HPS5: variants seen among roughly 807,000 people sequenced by gnomAD.
The protein encoded by HPS5 is BLOC-2 complex member HPS5.
HPS5 carries 83 observed loss-of-function variants against 128.0 expected under a neutral mutation model. That is an observed-to-expected ratio of 0.65 (90% CI 0.54 to 0.78). The LOEUF is 0.78. HPS5 is among the 30% of genes least tolerant of loss of function. The pLI is 0.00. For missense variants in HPS5, 1,281 were observed against 1,326.2 expected (o/e 0.97, Z 0.53); for synonymous variants, 475 against 470.2 (o/e 1.01, Z -0.13).
intron 8 of HPS5, among the ~76,000 whole-genome samples, chr11:18,304,037 T>A (rs778438918): frequency 6.6e-6 from 1 of 152,122 alleles, no homozygotes; most frequent in African/African-American, 2.4e-5. Context: ...AAGACATGTA[T>A]AAATATTATA....
chr11:18,295,650 C>T (rs1172912494), intron 13 of HPS5, among the ~76,000 whole-genome samples: 1 of 152,188 alleles, frequency 6.6e-6, no homozygotes, highest in African/African-American at 2.4e-5. Flanking sequence ...CATGGAGTAG[C>T]TAGAAAAGAA....
Position 18,296,021 on chromosome 11 carries a change from A to G in HPS5, c.1612T>C (p.Ser538Pro), listed in dbSNP as rs1387703812. 1 of 1,613,720 alleles carries G rather than the reference A, an allele frequency of 6.2e-7. No individual in the cohort carries two copies. Among genetic ancestry groups the G allele is most frequent in the South Asian group, 1.1e-5 (1 of 91,084 alleles). ...TACCTTTCTTTGACAGCCTGAAGAG[A>G]CACAAGAGGAGATGGAGAACGAAAT... is the stretch of plus-strand genomic sequence containing the variant. ...LPFRSPSPLV[S>P]LQAVKESVSS... Residue 538 changes from serine (S) to proline (P), a missense_variant, in exon 13 of 23, where the codon TCT becomes CCT. Ser to Pro is a moderately conservative substitution (Grantham distance 74). Coordinates refer to ENST00000349215, the MANE Select transcript of HPS5 (RefSeq NM_181507.2).
intron 21 of HPS5, among the ~76,000 whole-genome samples, chr11:18,282,880 G>A: frequency 6.6e-6 from 1 of 152,100 alleles, no homozygotes; most frequent in East Asian, 1.9e-4. Flanking sequence ...ATATGCATGG[G>A]GCCCACATAA....
intron 2 of HPS5, among the ~76,000 whole-genome samples, chr11:18,312,655 C>G (rs1485221736): frequency 6.6e-6 from 1 of 152,212 alleles, no homozygotes; most frequent in East Asian, 1.9e-4. Context: ...TAACTCAATT[C>G]TAGCTAATAA....
intron 5 of HPS5, 107 bp downstream of exon 5, chr11:18,310,634 A>G: frequency 1.1e-6 from 1 of 932,068 alleles, no homozygotes; most frequent in South Asian, 1.6e-5. Flanking sequence ...ACTCCGGATT[A>G]GTCTCCCAAG....
At chr11:18,315,680 T>C (rs754815030) in intron 2 of HPS5, among the ~76,000 whole-genome samples, 2 of 151,776 alleles carry the variant, frequency 1.3e-5, no homozygotes, top group African/African-American at 4.8e-5. Flanking sequence ...AATGCAATTG[T>C]CCTAAACCCT....
rs1207172247 is a variant in HPS5, at chr11:18,322,067, AGG to A, written c.-173_-172del. Reference sequence around the variant, plus strand: ...GTCCCAGCCCAGCTCCACCACATCCAGGGCAGTACCTCGCAGCTCTCAGTAGA... The same window carrying A: ...GTCCCAGCCCAGCTCCACCACATCCAGCAGTACCTCGCAGCTCTCAGTAGA... On this transcript the variant is annotated 5_prime_UTR_variant, in exon 1 of 23. Coordinates refer to ENST00000349215, the MANE Select transcript of HPS5 (RefSeq NM_181507.2). 6.6e-6 allele frequency: 1 copy of A among 152,594 alleles called. No homozygotes were observed. Among genetic ancestry groups the A allele is most frequent in the Non-Finnish European group, 1.5e-5 (1 of 68,278 alleles). 9.5% of individuals were successfully genotyped at this position (152,594 alleles called of 1,614,324 possible).
In HPS5 at chr11:18,314,189, C is replaced by A. The variant is rs568801084; in HGVS notation, c.109-2165G>T. ...GTGTGCTATGACTCAGCTATGATGC[C>A]TGTGAATAGCCACTGCACTCCAGCT... On this transcript the variant is annotated intron_variant, in intron 2 of 22. Coordinates refer to ENST00000349215, the MANE Select transcript of HPS5 (RefSeq NM_181507.2). 1.2e-4 allele frequency among the ~76,000 whole-genome samples: 19 copies of A among 152,256 alleles called. No individual in the cohort carries two copies. The South Asian group carries it at 3.9e-3, about 32-fold the overall frequency.
intron 9 of HPS5, among the ~76,000 whole-genome samples, chr11:18,300,482 A>T (rs1031382638): frequency 1.3e-5 from 2 of 152,074 alleles, no homozygotes; most frequent in Non-Finnish European, 2.9e-5. Flanking sequence ...AGATCACCTG[A>T]GGTCAGGAAT....
Position 18,295,025 on chromosome 11 carries a change from G to A in HPS5, c.1779C>T (p.Asp593=), listed in dbSNP as rs948921240. ...ATTTATGTGTAAGGGCTTACTCAGT[G>A]TCTTCCTCCTTTGGGCAGGTATCTG... The part of the protein sequence containing the change: ...VSSDTCPKEE[D]TEEEKEVTSP... Residue 593 remains aspartate, a synonymous_variant, in exon 14 of 23, where the codon GAC becomes GAT. Coordinates refer to ENST00000349215, the MANE Select transcript of HPS5 (RefSeq NM_181507.2). 1 of 1,614,132 alleles carries A rather than the reference G, an allele frequency of 6.2e-7. No individual in the cohort carries two copies. Among genetic ancestry groups the A allele is most frequent in the Non-Finnish European group, 8.5e-7 (1 of 1,179,998 alleles).
intron 14 of HPS5, 28 bp downstream of exon 14, chr11:18,294,992 G>A (rs373594344): frequency 6.2e-7 from 1 of 1,612,754 alleles, no homozygotes; most frequent in African/African-American, 1.3e-5. Flanking sequence ...TCCCTAGAAT[G>A]TATAGAGATT....
rs1861131677 is a variant in HPS5, at chr11:18,296,845, T to C, written c.1463A>G (p.Gln488Arg). The C allele has an allele frequency of 2.5e-6, 4 of 1,614,142 alleles. No homozygotes were observed. Among genetic ancestry groups the C allele is most frequent in the Non-Finnish European group, 3.4e-6 (4 of 1,179,996 alleles). The stretch of plus-strand genomic sequence containing the variant: ...ACACTGATCTGGCAGGTCCTCTTCC[T>C]GCTGTGAGGTGAATTCTTTAAATCT... ...DERFKEFTSQQEEDLPDQCCG... is the reference protein window; with the variant it reads ...DERFKEFTSQREEDLPDQCCG... The change falls in exon 12 of 23, where the codon CAG becomes CGG. Residue 488 changes from glutamine (Q) to arginine (R), a missense_variant. Transcript: ENST00000349215.
At chr11:18,284,631 C>T (rs1273764411) in intron 20 of HPS5, among the ~76,000 whole-genome samples, 2 of 152,156 alleles carry the variant, frequency 1.3e-5, no homozygotes, top group African/African-American at 4.8e-5. Flanking sequence ...ATGATCTTGT[C>T]ACCCACCACC....
In HPS5 at chr11:18,291,844, T is replaced by C. The variant is rs749532571; in HGVS notation, c.2038A>G (p.Lys680Glu). 1.2e-6 allele frequency: 2 copies of C among 1,611,230 alleles called. No individual in the cohort carries two copies. The highest frequency in any genetic ancestry group is 1.7e-6 in the Non-Finnish European group (2 of 1,178,846). ...NQDVLLVNES[K>E]KGILDEDNEK... is the part of the protein sequence containing the mutation. ...TTATCTTCATCTAATATTCCCTTTT[T>C]TGATTCATTAACTAATAGCACATCC... The change falls in exon 16 of 23, where the codon AAA (lysine) becomes GAA (glutamate). Residue 680 changes from lysine (K) to glutamate (E), a missense_variant. By Grantham distance (56) the Lys-to-Glu change is moderately conservative. Coordinates refer to ENST00000349215, the MANE Select transcript of HPS5 (RefSeq NM_181507.2).
rs753465573 is a variant in HPS5 at position 18,297,708 on chromosome 11, T to C, written c.1174A>G (p.Thr392Ala). 6 of 1,613,850 alleles carry C rather than the reference T, an allele frequency of 3.7e-6. No homozygotes were observed. Among genetic ancestry groups the C allele is most frequent in the Non-Finnish European group, 5.1e-6 (6 of 1,179,920 alleles). The change falls in exon 11 of 23, where the codon ACT becomes GCT. Residue 392 changes from threonine (T) to alanine (A), a missense_variant. Coordinates refer to ENST00000349215, the MANE Select transcript of HPS5 (RefSeq NM_181507.2). ...NSVIASRARKTLTADKLEHLK... is the reference protein window; with the variant it reads ...NSVIASRARKALTADKLEHLK... The stretch of plus-strand genomic sequence containing the variant: ...TGCTCCAATTTATCTGCAGTCAAAG[T>C]TTTTCTTGCCTAATAAAACAACAGC...
chr11:18,308,660 C>CA (rs1305467149), intron 6 of HPS5, among the ~76,000 whole-genome samples: 1 of 151,754 alleles, frequency 6.6e-6, no homozygotes, highest in African/African-American at 2.4e-5. Context: ...AAACAAAATA[C>CA]AAAAAATTAG....
At chr11:18,318,279 C>T (rs1250851055) in intron 1 of HPS5, among the ~76,000 whole-genome samples, 1 of 152,192 alleles carries the variant, frequency 6.6e-6, no homozygotes, top group Non-Finnish European at 1.5e-5. Flanking sequence ...CTTTAGGAGT[C>T]TCTCATTAAA....
chr11:18,306,725 T>C (rs1862415120), intron 6 of HPS5, among the ~76,000 whole-genome samples: 1 of 152,214 alleles, frequency 6.6e-6, no homozygotes, highest in Admixed American at 6.5e-5. Context: ...CTTTGGACAC[T>C]CCATGGAAGC....
intron 9 of HPS5, 29 bp downstream of exon 9, chr11:18,300,799 T>A (rs1314991671): frequency 2.5e-6 from 3 of 1,182,804 alleles, no homozygotes; most frequent in Non-Finnish European, 3.8e-6. Context: ...AAGCATGAGA[T>A]TAAAAATTAC....
Sources: allele counts gnomAD v4.1 joint callset (sites outside exome capture counted in the v4.1 genomes callset), GRCh38; gene constraint gnomAD v4.1.1; transcripts MANE v1.5; gene names NCBI Gene and HGNC (gene_info 2026-07-23, HGNC 2026-07-21).